NXPE2: variants seen among roughly 807,000 people sequenced by gnomAD.
NXPE2 encodes neurexophilin and PC-esterase domain family member 2.
NXPE2 carries 34 observed loss-of-function variants against 34.4 expected under a neutral mutation model. The ratio of observed to expected loss-of-function variants is 0.99; its 90% CI spans 0.75 to 1.31. NXPE2 has a LOEUF of 1.31. Among genes scored for constraint, NXPE2 ranks in the 40% most tolerant of loss-of-function variants. The pLI, the probability that NXPE2 is intolerant of heterozygous loss-of-function variation, is 0.00. For synonymous variants in NXPE2, 235 were observed against 231.3 expected (o/e 1.02, Z -0.15); for missense variants, 649 against 672.5 (o/e 0.97, Z 0.39).
the NXPE2 span, among the ~76,000 whole-genome samples, chr11:114,725,070 C>T: frequency 1.4e-4 from 21 of 151,850 alleles, no homozygotes; most frequent in African/African-American, 5.1e-4. Flanking sequence ...ACACTAACAA[C>T]AGCTGAAGTC....
At chr11:114,550,207 G>T in the NXPE2 span, among the ~76,000 whole-genome samples, 1 of 152,006 alleles carries the variant, frequency 6.6e-6, no homozygotes, top group South Asian at 2.1e-4. Flanking sequence ...GGTCAGACAG[G>T]CCAGTTAGAA....
chr11:114,552,760 G>T, the NXPE2 span: 2 of 408,562 alleles, frequency 4.9e-6, no homozygotes, highest in Non-Finnish European at 6.6e-6. Context: ...TGAAAAAAAA[G>T]TATGATTGCT....
chr11:114,636,227 C>T, the NXPE2 span, among the ~76,000 whole-genome samples: 1 of 152,008 alleles, frequency 6.6e-6, no homozygotes, highest in East Asian at 1.9e-4. Context: ...TCCATTTTTT[C>T]TAGATTCTCT....
chr11:114,478,687 A>C, the NXPE2 span, among the ~76,000 whole-genome samples: 206 of 152,232 alleles, frequency 1.4e-3, no homozygotes, highest in Middle Eastern at 0.014. Flanking sequence ...AACTTACTCC[A>C]ATTATTGTTA....
the NXPE2 span, among the ~76,000 whole-genome samples, chr11:114,751,652 C>A: frequency 6.6e-6 from 1 of 152,138 alleles, no homozygotes; most frequent in Non-Finnish European, 1.5e-5. Flanking sequence ...CTACAACAGT[C>A]ATTGTGGCAA....
the NXPE2 span, among the ~76,000 whole-genome samples, chr11:114,645,999 G>C: frequency 1.3e-5 from 2 of 152,028 alleles, no homozygotes; most frequent in Non-Finnish European, 1.5e-5. Context: ...ATATCTATTG[G>C]TTAGTACTTC....
intron 3 of NXPE2, among the ~76,000 whole-genome samples, chr11:114,701,325 G>A (rs1951360984): frequency 6.6e-6 from 1 of 152,050 alleles, no homozygotes. Flanking sequence ...CCTCATTGAA[G>A]CCTGGGTTGA....
chr11:114,493,992 T>G, the NXPE2 span, among the ~76,000 whole-genome samples: 2 of 152,154 alleles, frequency 1.3e-5, no homozygotes, highest in Non-Finnish European at 2.9e-5. Flanking sequence ...TGGTAAAAGT[T>G]TTTTCCTTCA....
intron 2 of NXPE2, among the ~76,000 whole-genome samples, chr11:114,697,802 A>G (rs551539161): frequency 3.9e-5 from 6 of 152,366 alleles, no homozygotes; most frequent in South Asian, 2.1e-4. Context: ...TATTGATAAC[A>G]TGATTGTATC....
chr11:114,554,722 G>T, the NXPE2 span, among the ~76,000 whole-genome samples: 1 of 152,126 alleles, frequency 6.6e-6, no homozygotes, highest in Non-Finnish European at 1.5e-5. Flanking sequence ...ACTTCAAGTC[G>T]CTAAGCCACA....
the NXPE2 span, among the ~76,000 whole-genome samples, chr11:114,725,976 A>AAATATATATATATATATAT: frequency 1.0e-3 from 105 of 101,726 alleles, no homozygotes; most frequent in African/African-American, 3.3e-3. Context: ...ATAAAAAAAA[A>AAATATATATATATATATAT]ATATATATAT....
chr11:114,543,515 T>C, the NXPE2 span, among the ~76,000 whole-genome samples: 2 of 97,234 alleles, frequency 2.1e-5, no homozygotes, highest in East Asian at 3.3e-4. Flanking sequence ...AGTGAGACCC[T>C]GTTTAAAAAA....
chr11:114,580,358 A>C, the NXPE2 span: 1 of 1,606,814 alleles, frequency 6.2e-7, no homozygotes, highest in Non-Finnish European at 8.5e-7. Context: ...AATCAATGAG[A>C]TAGGATCTTC....
chr11:114,726,556 T>C, the NXPE2 span, among the ~76,000 whole-genome samples: 1 of 152,186 alleles, frequency 6.6e-6, no homozygotes, highest in Non-Finnish European at 1.5e-5. Flanking sequence ...TTTATTGTTG[T>C]ATGTCAAATA....
At chr11:114,563,927 C>T in the NXPE2 span, among the ~76,000 whole-genome samples, 3 of 152,018 alleles carry the variant, frequency 2.0e-5, no homozygotes, top group Non-Finnish European at 2.9e-5. Context: ...CCTTAAAGAA[C>T]TAAAAGTAGA....
At chr11:114,586,059 T>G in the NXPE2 span, among the ~76,000 whole-genome samples, 11 of 152,182 alleles carry the variant, frequency 7.2e-5, no homozygotes, top group Admixed American at 6.5e-4. Context: ...AACCAGTTCT[T>G]TGTGTGCTAT....
At chr11:114,533,405 G>A in the NXPE2 span, among the ~76,000 whole-genome samples, 8 of 152,178 alleles carry the variant, frequency 5.3e-5, no homozygotes, top group Non-Finnish European at 1.2e-4. Flanking sequence ...TGAGGTACTT[G>A]GTTCATCTCA....
At chr11:114,715,265 A>G in the NXPE2 span, among the ~76,000 whole-genome samples, 1 of 152,226 alleles carries the variant, frequency 6.6e-6, no homozygotes, top group African/African-American at 2.4e-5. Flanking sequence ...AGGCAAATAG[A>G]CTAATGATCC....
the NXPE2 span, among the ~76,000 whole-genome samples, chr11:114,472,221 G>A: frequency 5.3e-5 from 8 of 152,106 alleles, no homozygotes; most frequent in African/African-American, 9.7e-5. Flanking sequence ...AACACATACC[G>A]AGCACAAACT....
Sources: allele counts gnomAD v4.1 joint callset (sites outside exome capture counted in the v4.1 genomes callset), GRCh38; gene constraint gnomAD v4.1.1; transcripts MANE v1.5; gene names NCBI Gene and HGNC (gene_info 2026-07-23, HGNC 2026-07-21).